The following ERG variants were observed in gnomAD, a reference collection of about 807,000 sequenced individuals.
ERG encodes transcriptional regulator ERG.
Under a neutral mutation model 55.3 loss-of-function variants are expected in ERG, and 9 were observed. The observed-to-expected ratio is 0.16, with a 90% CI of 0.10 to 0.28. The LOEUF (loss-of-function observed/expected upper bound fraction) is 0.28. Ranked by LOEUF, ERG falls within the 10% of genes least tolerant of loss-of-function variation. The pLI, the probability that ERG is intolerant of heterozygous loss-of-function variation, is 1.00. For synonymous variants in ERG, 223 were observed against 237.3 expected (o/e 0.94, Z 0.55); for missense variants, 434 against 631.6 (o/e 0.69, Z 3.35).
intron 1 of ERG, among the ~76,000 whole-genome samples, chr21:38,487,147 G>GAAA (rs5843911): frequency 1.5e-5 from 2 of 136,782 alleles, no homozygotes; most frequent in South Asian, 4.7e-4. Flanking sequence ...CACTATCCTG[G>GAAA]AAAAAAAAAA....
In ERG at chr21:38,477,960, T is replaced by C. The variant is rs187646576; in HGVS notation, c.18+20403A>G. Among the ~76,000 whole-genome samples, 14 of 152,376 alleles carry C rather than the reference T, an allele frequency of 9.2e-5. No individual in the cohort carries two copies. In the East Asian group the frequency reaches 2.7e-3, roughly 29 times the overall value. Reference sequence around the variant, plus strand: ...TTTTAGTGCAATCTTCATGATGACCTGAGATAGCTATCAAAATAGTCCATC... The same window carrying C: ...TTTTAGTGCAATCTTCATGATGACCCGAGATAGCTATCAAAATAGTCCATC... On this transcript the variant is annotated intron_variant, in intron 1 of 9. Transcript: ENST00000288319.
intron 2 of ERG, among the ~76,000 whole-genome samples, chr21:38,548,848 C>T (rs2059805346): frequency 6.6e-6 from 1 of 150,704 alleles, no homozygotes; most frequent in Admixed American, 6.6e-5. Flanking sequence ...CAGTGGCTCA[C>T]GCCTGTAATC....
chr21:38,449,390 G>C (rs1336239499), intron 1 of ERG, among the ~76,000 whole-genome samples: 2 of 152,100 alleles, frequency 1.3e-5, no homozygotes, highest in African/African-American at 4.8e-5. Flanking sequence ...AGGTACTACT[G>C]TGTTAGTACT....
intron 1 of ERG, among the ~76,000 whole-genome samples, chr21:38,493,337 T>C (rs1353438003): frequency 6.6e-6 from 1 of 152,078 alleles, no homozygotes; most frequent in East Asian, 1.9e-4. Context: ...GTTAGTAACA[T>C]GGGAAAATGC....
intron 1 of ERG, among the ~76,000 whole-genome samples, chr21:38,597,078 C>T (rs919255171): frequency 2.0e-5 from 3 of 152,202 alleles, no homozygotes; most frequent in East Asian, 3.8e-4. Flanking sequence ...CCTGCAGCAC[C>T]GGGCTGTGGC....
At chr21:38,650,115 C>T (rs1205586681) in intron 1 of ERG, among the ~76,000 whole-genome samples, 2 of 152,136 alleles carry the variant, frequency 1.3e-5, no homozygotes, top group African/African-American at 2.4e-5. Context: ...ACAGTAAGCA[C>T]TGCCCACTGG....
At chr21:38,459,263 G>C (rs1285452657) in intron 1 of ERG, among the ~76,000 whole-genome samples, 1 of 152,210 alleles carries the variant, frequency 6.6e-6, no homozygotes, top group African/African-American at 2.4e-5. Flanking sequence ...GTTTCCCAAG[G>C]CCACATAAGT....
At chr21:38,653,246 T>C (rs2060498796) in intron 1 of ERG, among the ~76,000 whole-genome samples, 1 of 152,226 alleles carries the variant, frequency 6.6e-6, no homozygotes, top group Non-Finnish European at 1.5e-5. Flanking sequence ...GCATGAAGTC[T>C]TACACAGAAC....
At chr21:38,546,590 C>A (rs939104670) in intron 2 of ERG, among the ~76,000 whole-genome samples, 5 of 152,174 alleles carry the variant, frequency 3.3e-5, no homozygotes, top group Admixed American at 2.0e-4. Context: ...TTTTCGACTG[C>A]TCCACTCTGG....
At chr21:38,434,976 C>G (rs901907410) in intron 2 of ERG, among the ~76,000 whole-genome samples, 1 of 152,158 alleles carries the variant, frequency 6.6e-6, no homozygotes, top group Non-Finnish European at 1.5e-5. Flanking sequence ...TTTGGAATGT[C>G]ACTGTCTTTC....
intron 1 of ERG, among the ~76,000 whole-genome samples, chr21:38,620,266 G>T (rs1280391626): frequency 1.3e-5 from 2 of 152,156 alleles, no homozygotes; most frequent in African/African-American, 2.4e-5. Context: ...TTGTGGGGAT[G>T]AAGAGGTTAT....
chr21:38,539,675 C>T (rs1167728093), intron 2 of ERG, among the ~76,000 whole-genome samples: 1 of 152,128 alleles, frequency 6.6e-6, no homozygotes, highest in Non-Finnish European at 1.5e-5. Flanking sequence ...ATTGAAGCCC[C>T]TGCCTGTCTG....
At chr21:38,377,674 T>C (rs553447629), downstream of ERG, among the ~76,000 whole-genome samples, 1 of 152,350 alleles carries the variant, frequency 6.6e-6, no homozygotes, top group Admixed American at 6.5e-5. Flanking sequence ...TTGTATATTT[T>C]GTCTACACCC....
chr21:38,622,794 CACAA>C (rs2060300152), intron 1 of ERG, among the ~76,000 whole-genome samples: 1 of 143,650 alleles, frequency 7.0e-6, no homozygotes, highest in Non-Finnish European at 1.5e-5. Flanking sequence ...CACACCATAC[CACAA>C]ACACACACAA....
chr21:38,540,047 C>A (rs533447547), intron 2 of ERG, among the ~76,000 whole-genome samples: 9 of 152,114 alleles, frequency 5.9e-5, no homozygotes, highest in African/African-American at 1.7e-4. Context: ...CAGGCACACA[C>A]CACCACGCCT....
chr21:38,367,710 C>A, the ERG span: 5 of 488,158 alleles, frequency 1.0e-5, no homozygotes, highest in African/African-American at 7.8e-5. Flanking sequence ...CATAGGCGAC[C>A]CATATTAGAA....
chr21:38,406,866 A>G (rs2146464690), intron 3 of ERG, among the ~76,000 whole-genome samples: 1 of 152,312 alleles, frequency 6.6e-6, no homozygotes, highest in East Asian at 1.9e-4. Flanking sequence ...TCGCTCATCA[A>G]GACAAGGGTT....
At chr21:38,653,417 G>A (rs2836600) in intron 1 of ERG, among the ~76,000 whole-genome samples, 14,428 of 152,096 alleles carry the variant, frequency 0.095, 1,737 homozygotes, top group African/African-American at 0.28. Context: ...CTGACTGCCC[G>A]CTGATCTCTG....
At chr21:38,575,830 C>T (rs2059991577) in intron 1 of ERG, 1 of 999,410 alleles carries the variant, frequency 1.0e-6, no homozygotes, top group Non-Finnish European at 1.5e-6. Context: ...GGACACAATT[C>T]ACCAATGGCA....
Sources: gnomAD v4.1 joint callset for allele counts (sites outside exome capture counted in the v4.1 genomes callset) on GRCh38, gnomAD v4.1.1 for gene constraint, MANE v1.5 for transcripts, NCBI Gene and HGNC (gene_info 2026-07-23, HGNC 2026-07-21) for gene names.